The following EIF3H variants were observed in gnomAD, a reference collection of about 807,000 sequenced individuals.
EIF3H encodes the protein eukaryotic translation initiation factor 3 subunit H, also known as eIF-3-gamma.
Under a neutral mutation model 44.2 loss-of-function variants are expected in EIF3H, and 26 were observed. The observed-to-expected ratio is 0.59, with a 90% CI of 0.43 to 0.82. EIF3H has a LOEUF of 0.82. Ranked by LOEUF, EIF3H falls within the 40% of genes least tolerant of loss-of-function variation. The pLI is 0.00. For synonymous variants in EIF3H, 166 were observed against 151.9 expected (o/e 1.09, Z -0.68); for missense variants, 359 against 432.8 (o/e 0.83, Z 1.51).
At chr8:116,759,639 T>C (rs1815494116), upstream of EIF3H, among the ~76,000 whole-genome samples, 1 of 152,158 alleles carries the variant, frequency 6.6e-6, no homozygotes, top group South Asian at 2.1e-4. Context: ...ACAGAGAGTA[T>C]ACATTTCGGG....
intron 2 of EIF3H, among the ~76,000 whole-genome samples, chr8:116,663,660 G>A (rs571156451): frequency 2.0e-5 from 3 of 152,296 alleles, no homozygotes; most frequent in African/African-American, 7.2e-5. Context: ...GCTGCACGCC[G>A]TGGCTCTCGC....
intron 1 of EIF3H, among the ~76,000 whole-genome samples, chr8:116,731,239 A>AG (rs1814945594): frequency 6.6e-6 from 1 of 152,202 alleles, no homozygotes; most frequent in African/African-American, 2.4e-5. Context: ...ATAAATGAAG[A>AG]GGGGTCCTCA....
chr8:116,657,295 T>C lies in EIF3H; in HGVS notation c.477A>G (p.Gln159=). The change falls in exon 4 of 8, where the codon CAA becomes CAG. Residue 159 remains glutamine, a synonymous_variant. Transcript: ENST00000521861. ...VLIYDPIKTA[Q]GSLSLKAYRL... Reference sequence around the variant, plus strand: ...TGTATGCCTTTAGTGAGAGAGATCCTTGGGCAGTTTTTATGGGATCTCAAA... The same window carrying C: ...TGTATGCCTTTAGTGAGAGAGATCCCTGGGCAGTTTTTATGGGATCTCAAA... 6.2e-7 allele frequency: 1 copy of C among 1,613,480 alleles called. No individual in the cohort carries two copies. Among genetic ancestry groups the C allele is most frequent in the Non-Finnish European group, 8.5e-7 (1 of 1,179,486 alleles).
intron 5 of EIF3H, among the ~76,000 whole-genome samples, chr8:116,649,389 T>C (rs1228253447): frequency 6.6e-6 from 1 of 152,196 alleles, no homozygotes; most frequent in East Asian, 1.9e-4. Flanking sequence ...AATGGTAACA[T>C]TTATTCTACA....
At chr8:116,654,571 T>G (rs1161766475) in intron 5 of EIF3H, among the ~76,000 whole-genome samples, 2 of 152,178 alleles carry the variant, frequency 1.3e-5, no homozygotes, top group African/African-American at 4.8e-5. Flanking sequence ...GTGTGCCCAA[T>G]GTGTTTGTAA....
intron 1 of EIF3H, among the ~76,000 whole-genome samples, chr8:116,728,962 CTATT>C (rs1185768412): frequency 3.9e-5 from 6 of 152,258 alleles, no homozygotes; most frequent in East Asian, 1.9e-4. Context: ...TTGTCAATAA[CTATT>C]TAATGCTTAT....
chr8:116,740,757 C>A (rs4876677), intron 1 of EIF3H, among the ~76,000 whole-genome samples: 1 of 151,848 alleles, frequency 6.6e-6, no homozygotes, highest in Admixed American at 6.6e-5. Context: ...TGACTAACTC[C>A]CCAACCCTGT....
chr8:116,666,766 A>AAAAAAAAAAAAAAAAAT (rs1813675670), intron 2 of EIF3H, among the ~76,000 whole-genome samples: 1 of 151,054 alleles, frequency 6.6e-6, no homozygotes, highest in African/African-American at 2.4e-5. Flanking sequence ...AAAAAAAAAA[A>AAAAAAAAAAAAAAAAAT]AAAAAAAAAA....
intron 1 of EIF3H, chr8:116,737,302 A>G (rs1024573032): frequency 6.9e-6 from 3 of 436,422 alleles, no homozygotes; most frequent in African/African-American, 2.1e-5. Flanking sequence ...GGAAGAAAAA[A>G]AAAAGACTTT....
chr8:116,651,196 A>G (rs1813385577), intron 5 of EIF3H, among the ~76,000 whole-genome samples: 1 of 152,214 alleles, frequency 6.6e-6, no homozygotes, highest in Non-Finnish European at 1.5e-5. Context: ...ATCTATCGTG[A>G]TATTACAGAG....
chr8:116,754,552 T>C (rs1431685994), intron 1 of EIF3H, among the ~76,000 whole-genome samples: 1 of 152,262 alleles, frequency 6.6e-6, no homozygotes, highest in Non-Finnish European at 1.5e-5. Context: ...GATTACACTG[T>C]ACTACAGGTC....
chr8:116,726,312 A>T (rs1814837134), intron 1 of EIF3H, 140 bp from the exon 2 acceptor site: 1 of 923,288 alleles, frequency 1.1e-6, no homozygotes, highest in South Asian at 2.1e-5. Context: ...ATGTCTTACA[A>T]ATCCTTTCCT....
chr8:116,746,027 TA>T (rs1435022353), intron 1 of EIF3H, among the ~76,000 whole-genome samples: 1 of 152,176 alleles, frequency 6.6e-6, no homozygotes, highest in Non-Finnish European at 1.5e-5. Flanking sequence ...CAATGCTCCT[TA>T]ATATGCTGAT....
chr8:116,731,516 CCT>C (rs1814950173), intron 1 of EIF3H, among the ~76,000 whole-genome samples: 1 of 152,146 alleles, frequency 6.6e-6, no homozygotes, highest in Admixed American at 6.6e-5. Flanking sequence ...AATTTCCTTT[CCT>C]CTGTTTTAAG....
chr8:116,752,729 AAAG>A (rs1307344132), intron 1 of EIF3H, among the ~76,000 whole-genome samples: 12 of 131,720 alleles, frequency 9.1e-5, no homozygotes, highest in Admixed American at 2.3e-4. Flanking sequence ...AGAAAGAAAG[AAAG>A]AAGAGAAAGA....
chr8:116,758,271 ACAT>A (rs370950832), upstream of EIF3H, among the ~76,000 whole-genome samples: 2 of 152,352 alleles, frequency 1.3e-5, no homozygotes, highest in African/African-American at 4.8e-5. Context: ...ACAGAAGGAG[ACAT>A]CAAATAATGA....
intron 2 of EIF3H, among the ~76,000 whole-genome samples, chr8:116,670,359 A>T (rs1226102759): frequency 6.6e-6 from 1 of 152,188 alleles, no homozygotes; most frequent in Non-Finnish European, 1.5e-5. Context: ...AGTAGCACAG[A>T]TCAGTACTGA....
intron 6 of EIF3H, among the ~76,000 whole-genome samples, chr8:116,648,328 G>C (rs545343792): frequency 6.6e-6 from 1 of 152,110 alleles, no homozygotes; most frequent in Non-Finnish European, 1.5e-5. Context: ...GAGAATATTC[G>C]GATAATTCTA....
At chr8:116,650,193 G>A (rs574947913) in intron 5 of EIF3H, among the ~76,000 whole-genome samples, 2 of 152,326 alleles carry the variant, frequency 1.3e-5, no homozygotes, top group South Asian at 4.1e-4. Flanking sequence ...CAAATAGACT[G>A]GAGAGGAGAA....
Sources: gnomAD v4.1 joint callset for allele counts (sites outside exome capture counted in the v4.1 genomes callset) on GRCh38, gnomAD v4.1.1 for gene constraint, MANE v1.5 for transcripts, NCBI Gene and HGNC (gene_info 2026-07-23, HGNC 2026-07-21) for gene names.